HIVEP1: variants seen among roughly 807,000 people sequenced by gnomAD.
HIVEP1 encodes the protein HIVEP zinc finger 1, also known as zinc finger protein 40.
A neutral mutation model predicts 180.0 loss-of-function variants in HIVEP1; 36 were observed. The ratio of observed to expected loss-of-function variants is 0.20; its 90% CI spans 0.15 to 0.26. The LOEUF is 0.26. HIVEP1 is among the 10% of genes least tolerant of loss of function. The pLI is 1.00. For synonymous variants in HIVEP1, 1,239 were observed against 1,239.0 expected, an observed-to-expected ratio of 1.00 and a Z score of 0.00; for missense variants, 3,143 against 3,268.7, an observed-to-expected ratio of 0.96 and a Z score of 0.94.
Position 12,122,808 on chromosome 6 carries a change from G to A in HIVEP1, c.3013G>A (p.Gly1005Ser), listed in dbSNP as rs765664239. Residue 1005 changes from glycine (G) to serine (S), a missense_variant, in exon 4 of 9, where the codon GGT (glycine) becomes AGT (serine). Physicochemically the swap from Gly to Ser is moderately conservative, Grantham distance 56 (BLOSUM62 0). Around this residue, in one of 12 missense-constraint regions of HIVEP1, gnomAD observed 1,357 missense variants for 1,260.5 expected, o/e 1.08. Transcript: ENST00000379388. The stretch of plus-strand genomic sequence containing the variant: ...ACCTGAGCACAGCCCTGTGCCCGGC[G>A]GTCTGCAGCCTCAGATTCTACACTA... ...REPEHSPVPG[G>S]LQPQILHYRV... 4.7e-5 allele frequency: 76 copies of A among 1,613,446 alleles called. No homozygotes were observed. The highest frequency in any genetic ancestry group is 2.3e-4 in the Admixed American group (14 of 59,902).
At chr6:12,016,338 G>A (rs1767746363) in intron 2 of HIVEP1, among the ~76,000 whole-genome samples, 1 of 152,138 alleles carries the variant, frequency 6.6e-6, no homozygotes, top group African/African-American at 2.4e-5. Flanking sequence ...TATATCAATG[G>A]TGAATAGCAA....
At chr6:12,099,183 G>GGTTTTTTTTTTTTTTTTTTT (rs373744044) in intron 3 of HIVEP1, among the ~76,000 whole-genome samples, 12 of 138,460 alleles carry the variant, frequency 8.7e-5, no homozygotes, top group African/African-American at 3.3e-4. Flanking sequence ...ATGTCACTGA[G>GGTTTTTTTTTTTTTTTTTTT]TTTTTTTTTT....
At chr6:12,109,283 G>T (rs1437748762) in intron 3 of HIVEP1, among the ~76,000 whole-genome samples, 1 of 152,214 alleles carries the variant, frequency 6.6e-6, no homozygotes, top group Admixed American at 6.5e-5. Context: ...GTGAGCCACA[G>T]GGCCCGGCCG....
chr6:12,066,117 T>C (rs1014362932), intron 2 of HIVEP1, among the ~76,000 whole-genome samples: 1 of 152,104 alleles, frequency 6.6e-6, no homozygotes, highest in Non-Finnish European at 1.5e-5. Context: ...TAAAAGGCAG[T>C]GTTGTTCATT....
intron 4 of HIVEP1, among the ~76,000 whole-genome samples, chr6:12,127,277 A>T (rs1360997628): frequency 1.3e-5 from 2 of 152,254 alleles, no homozygotes; most frequent in African/African-American, 4.8e-5. Flanking sequence ...ATTTGGAAAC[A>T]TAGGTAAAAA....
At chr6:12,160,303 G>A (rs1760317390) in intron 7 of HIVEP1, among the ~76,000 whole-genome samples, 2 of 152,176 alleles carry the variant, frequency 1.3e-5, no homozygotes, top group African/African-American at 4.8e-5. Context: ...ATGATGTTAA[G>A]AGGCTGATAC....
At chr6:12,079,705 A>G (rs755957637) in intron 2 of HIVEP1, among the ~76,000 whole-genome samples, 2 of 152,196 alleles carry the variant, frequency 1.3e-5, no homozygotes, top group Non-Finnish European at 1.5e-5. Context: ...GGCTGATTTA[A>G]TTGGAGTGGG....
chr6:12,038,191 A>G (rs1769420881), intron 2 of HIVEP1: 1 of 156,894 alleles, frequency 6.4e-6, no homozygotes. Flanking sequence ...ATTAGATTTT[A>G]TTTAATGCTT....
intron 2 of HIVEP1, chr6:12,038,324 G>C (rs1008329145): frequency 6.6e-6 from 1 of 151,866 alleles, no homozygotes; most frequent in Non-Finnish European, 1.5e-5. Flanking sequence ...TTCTGAAAAG[G>C]GGTCCATCAA....
chr6:12,180,919 A>C, the HIVEP1 span, among the ~76,000 whole-genome samples: 1 of 152,372 alleles, frequency 6.6e-6, no homozygotes, highest in Non-Finnish European at 1.5e-5. Context: ...GATTTCATTA[A>C]GATAGACGTA....
chr6:12,168,019 T>C (rs1482160733), downstream of HIVEP1, among the ~76,000 whole-genome samples: 5 of 40,430 alleles, frequency 1.2e-4, no homozygotes, highest in Admixed American at 3.4e-4. Context: ...CATGTACATG[T>C]ATATATGTAT....
intron 2 of HIVEP1, among the ~76,000 whole-genome samples, chr6:12,078,699 T>C (rs1292429027): frequency 8.7e-6 from 1 of 114,924 alleles, no homozygotes; most frequent in Admixed American, 8.5e-5. Flanking sequence ...CATATAAACA[T>C]ATATATAAAC....
Position 12,090,656 on chromosome 6 carries a change from G to T in HIVEP1, c.94+1419G>T, listed in dbSNP as rs535060514. 2.1e-4 allele frequency among the ~76,000 whole-genome samples: 31 copies of T among 150,514 alleles called. No individual in the cohort carries two copies. In the East Asian group the frequency reaches 5.7e-3, roughly 28 times the overall value. On this transcript the variant is annotated intron_variant, in intron 3 of 8. Transcript: ENST00000379388. The stretch of plus-strand genomic sequence containing the variant: ...ACCTTGTCCCTTTGAAGGGTTGACT[G>T]ACTTAAACGCATGAGGCATTTGAGA...
downstream of HIVEP1, among the ~76,000 whole-genome samples, chr6:12,168,291 A>ATATATACATATATACAGATAT (rs1554161588): frequency 0.017 from 1,252 of 72,376 alleles, 32 homozygotes; most frequent in African/African-American, 0.049. Flanking sequence ...TATTATATAC[A>ATATATACATATATACAGATAT]TATATACATA....
chr6:12,208,855 G>T, the HIVEP1 span, among the ~76,000 whole-genome samples: 1 of 151,624 alleles, frequency 6.6e-6, no homozygotes, highest in East Asian at 1.9e-4. Context: ...GGCCTAAGGT[G>T]CACCATCTGT....
intron 3 of HIVEP1, among the ~76,000 whole-genome samples, chr6:12,095,512 T>C (rs577439499): frequency 1.3e-3 from 178 of 137,458 alleles, no homozygotes; most frequent in Non-Finnish European, 2.2e-3. Flanking sequence ...TTTCTCCACA[T>C]GGATGGGGAT....
chr6:12,078,639 A>T (rs1245535275), intron 2 of HIVEP1, among the ~76,000 whole-genome samples: 1 of 149,652 alleles, frequency 6.7e-6, no homozygotes, highest in Non-Finnish European at 1.5e-5. Flanking sequence ...ATATATACAC[A>T]CACACACACA....
At chr6:12,142,358 C>G (rs1029269614) in intron 7 of HIVEP1, among the ~76,000 whole-genome samples, 1 of 152,166 alleles carries the variant, frequency 6.6e-6, no homozygotes, top group South Asian at 2.1e-4. Flanking sequence ...CACAACATAT[C>G]AGAATCTCTG....
rs115195165 is a variant in HIVEP1, at chr6:12,028,821, T to C, written c.40+13153T>C. On this transcript the variant is annotated intron_variant, in intron 2 of 8. Coordinates refer to ENST00000379388, the MANE Select transcript of HIVEP1 (RefSeq NM_002114.4). ...TACCACAGTCCAGTTTTAGAACATG[T>C]CTGTCACCCCCAAAATTTCCTTGAG... Among the ~76,000 whole-genome samples, 790 of 152,336 alleles carry C rather than the reference T, an allele frequency of 5.2e-3. 3 individuals carry two copies. Among genetic ancestry groups the C allele is most frequent in the African/African-American group, 0.018 (743 of 41,576 alleles).
Sources: allele counts gnomAD v4.1 joint callset (sites outside exome capture counted in the v4.1 genomes callset), GRCh38; gene constraint gnomAD v4.1.1; regional missense constraint gnomAD v4.1.1; transcripts MANE v1.5; gene names NCBI Gene and HGNC (gene_info 2026-07-23, HGNC 2026-07-21).